SYBU: variants seen among roughly 807,000 people sequenced by gnomAD.
SYBU encodes the protein GOLSYN A protein.
Under a neutral mutation model 35.9 loss-of-function variants are expected in SYBU, and 21 were observed. The ratio of observed to expected loss-of-function variants is 0.58; its 90% CI spans 0.41 to 0.84. The LOEUF (loss-of-function observed/expected upper bound fraction) is 0.84. SYBU is among the 40% of genes least tolerant of loss of function. The probability of loss-of-function intolerance (pLI) is 0.00; values close to 1 mark genes in which losing one functional copy is unlikely to be tolerated. For synonymous variants in SYBU, 319 were observed against 324.3 expected (o/e 0.98, Z 0.18); for missense variants, 768 against 848.2 (o/e 0.91, Z 1.17).
At chr8:109,637,849 C>G (rs1280016054) in intron 2 of SYBU, among the ~76,000 whole-genome samples, 1 of 152,214 alleles carries the variant, frequency 6.6e-6, no homozygotes, top group East Asian at 1.9e-4. Context: ...GTGCCACAAA[C>G]AGCAACAATG....
intron 1 of SYBU, chr8:109,644,167 G>T (rs7817773): frequency 0.025 from 11,616 of 460,462 alleles, 790 homozygotes; most frequent in African/African-American, 0.16. Context: ...ACTCTACCCG[G>T]GGGCCGCCAG....
intron 4 of SYBU, among the ~76,000 whole-genome samples, chr8:109,585,021 T>C (rs1325229317): frequency 6.6e-6 from 1 of 152,154 alleles, no homozygotes; most frequent in African/African-American, 2.4e-5. Context: ...CAAGCTAAAA[T>C]ATACCACAAA....
chr8:109,653,895 C>T (rs1275623948), intron 1 of SYBU, among the ~76,000 whole-genome samples: 2 of 152,182 alleles, frequency 1.3e-5, no homozygotes, highest in Admixed American at 6.5e-5. Context: ...ATTCGTTTAC[C>T]TGAACTCTGG....
rs575779405 is a variant in SYBU at position 109,691,432 on chromosome 8, G to C, written c.-157C>G. ...GGCTGGGCCGGGTGCCGGTGCGGAC[G>C]GGACCCCGCGTCGCTGCTGGTTTGC... On this transcript the variant is annotated 5_prime_UTR_variant, in exon 1 of 8. Coordinates refer to the SYBU transcript ENST00000422135. This position sits in a 1 kb window ranked among gnomAD's most constrained non-coding sequence, Gnocchi z 4.7. 23 of 671,646 alleles carry C rather than the reference G, an allele frequency of 3.4e-5. No homozygotes were observed. The highest frequency in any genetic ancestry group is 2.4e-4 in the African/African-American group (13 of 53,782). 41.6% of individuals were successfully genotyped at this position (671,646 alleles called of 1,614,324 possible).
chr8:109,604,447 G>T (rs1302305122), intron 3 of SYBU, among the ~76,000 whole-genome samples: 4 of 152,098 alleles, frequency 2.6e-5, no homozygotes, highest in Non-Finnish European at 5.9e-5. Flanking sequence ...AACATACAGG[G>T]ATCCCCTAGT....
chr8:109,646,941 A>G (rs1235937383), upstream of SYBU: 4 of 152,170 alleles, frequency 2.6e-5, no homozygotes. Context: ...CAGTCACCCT[A>G]GATTATTGCA....
upstream of SYBU, chr8:109,645,385 A>G (rs946065397): frequency 2.2e-6 from 1 of 455,724 alleles, no homozygotes; most frequent in Non-Finnish European, 4.4e-6. Flanking sequence ...GGGTTGCATC[A>G]GAAAGGCCTT....
At chr8:109,594,157 G>A (rs1824597714) in intron 3 of SYBU, among the ~76,000 whole-genome samples, 1 of 152,164 alleles carries the variant, frequency 6.6e-6, no homozygotes, top group South Asian at 2.1e-4. Context: ...AGCACTAATG[G>A]TGGTGCTGGG....
At chr8:109,647,192 C>T (rs28513103), upstream of SYBU, 1,747 of 152,272 alleles carry the variant, frequency 0.011, 11 homozygotes, top group Middle Eastern at 0.051. Context: ...TTTCTTGCCA[C>T]TCCTCTCTTT....
intron 1 of SYBU, among the ~76,000 whole-genome samples, chr8:109,654,225 G>C (rs751883294): frequency 2.0e-5 from 3 of 152,036 alleles, no homozygotes; most frequent in Non-Finnish European, 4.4e-5. Flanking sequence ...TACTTGTCTA[G>C]AGTATATGTC....
At chr8:109,616,303 C>T (rs1335047603) in intron 3 of SYBU, among the ~76,000 whole-genome samples, 1 of 152,136 alleles carries the variant, frequency 6.6e-6, no homozygotes, top group East Asian at 1.9e-4. Flanking sequence ...AGCCACCACG[C>T]CCGGCCTATT....
Position 109,574,823 on chromosome 8 carries a change from T to G in SYBU, c.*83A>C, listed in dbSNP as rs961086216. The G allele has an allele frequency of 3.5e-6, 5 of 1,410,446 alleles. No homozygotes were observed. The highest frequency in any genetic ancestry group is 4.8e-6 in the Non-Finnish European group (5 of 1,050,162). 87.4% of individuals were successfully genotyped at this position (1,410,446 alleles called of 1,614,324 possible). A position where few individuals can be genotyped will look rare whatever the true frequency, so the allele number is the denominator to read the frequency against. On this transcript the variant is annotated 3_prime_UTR_variant, in exon 7 of 7. Coordinates refer to ENST00000276646, the MANE Select transcript of SYBU (RefSeq NM_001099754.2). ...AGGAGCAAAACGACAGAATAGAGACTGTCACAGATGATTGACTTCCTGTTT... is the reference window on the plus strand; with the variant it reads ...AGGAGCAAAACGACAGAATAGAGACGGTCACAGATGATTGACTTCCTGTTT...
At chr8:109,635,801 G>A (rs1554622675) in intron 2 of SYBU, among the ~76,000 whole-genome samples, 1 of 152,122 alleles carries the variant, frequency 6.6e-6, no homozygotes, top group Non-Finnish European at 1.5e-5. Context: ...GTCCAACACA[G>A]AAATAGGAAG....
upstream of SYBU, chr8:109,647,918 T>A (rs1815871666): frequency 1.3e-5 from 2 of 152,218 alleles, no homozygotes; most frequent in Admixed American, 6.5e-5. Context: ...AAGCCTGTTT[T>A]TCCACTGTTC....
chr8:109,592,412 A>G (rs1186366896), intron 3 of SYBU, among the ~76,000 whole-genome samples: 4 of 151,700 alleles, frequency 2.6e-5, no homozygotes, highest in Non-Finnish European at 5.9e-5. Flanking sequence ...CTTGTGGTTT[A>G]GAACTCTGCC....
intron 2 of SYBU, among the ~76,000 whole-genome samples, chr8:109,627,270 T>C (rs1391893277): frequency 1.3e-5 from 2 of 152,192 alleles, no homozygotes; most frequent in African/African-American, 2.4e-5. Flanking sequence ...TCAACAAATA[T>C]TTATTGAATA....
chr8:109,640,501 A>T (rs1586914704), intron 2 of SYBU, among the ~76,000 whole-genome samples: 2 of 152,126 alleles, frequency 1.3e-5, no homozygotes, highest in Admixed American at 6.5e-5. Context: ...GTCAGTTTGA[A>T]ATGACGTGCC....
At chr8:109,670,839 TG>T (rs1314512087) in intron 1 of SYBU, among the ~76,000 whole-genome samples, 3 of 152,150 alleles carry the variant, frequency 2.0e-5, no homozygotes, top group African/African-American at 7.2e-5. Flanking sequence ...ATAATTTAAT[TG>T]TTTTCTCTAA....
intron 3 of SYBU, among the ~76,000 whole-genome samples, chr8:109,605,872 G>GA (rs912624529): frequency 6.6e-5 from 10 of 151,326 alleles, no homozygotes; most frequent in Admixed American, 1.3e-4. Context: ...ATCCTTTCAG[G>GA]AAAAAAAAGA....
Sources: allele counts gnomAD v4.1 joint callset (sites outside exome capture counted in the v4.1 genomes callset), GRCh38; gene constraint gnomAD v4.1.1; non-coding constraint Gnocchi (gnomAD v3.1); transcripts MANE v1.5; gene names NCBI Gene and HGNC (gene_info 2026-07-23, HGNC 2026-07-21).